The following KATNIP variants were observed in gnomAD, a reference collection of about 807,000 sequenced individuals.
KATNIP encodes katanin interacting protein.
A neutral mutation model predicts 174.0 loss-of-function variants in KATNIP; 126 were observed. That is an observed-to-expected ratio of 0.72 (90% CI 0.63 to 0.84). KATNIP has a LOEUF of 0.84. KATNIP is among the 40% of genes least tolerant of loss of function. The pLI, the probability that KATNIP is intolerant of heterozygous loss-of-function variation, is 0.00. For synonymous variants in KATNIP, 810 were observed against 835.7 expected (o/e 0.97, Z 0.53); for missense variants, 1,958 against 2,109.7 (o/e 0.93, Z 1.41).
Position 27,708,878 on chromosome 16 carries a change from C to G in KATNIP, c.1563C>G (p.Ala521=), listed in dbSNP as rs749508012. The change falls in exon 13 of 28, where the codon GCC becomes GCG. Residue 521 remains alanine, a synonymous_variant. Transcript: ENST00000261588. ...ACGATGTGGATATCCGGAACACAGCCACGCCTGGGGAGCTGGGCCGCCTCG... is the reference window on the plus strand; with the variant it reads ...ACGATGTGGATATCCGGAACACAGCGACGCCTGGGGAGCTGGGCCGCCTCG... ...SPHDVDIRNT[A]TPGELGRLVN... is the part of the protein sequence containing the mutation. The G allele has an allele frequency of 6.2e-7, 1 of 1,613,856 alleles. No individual in the cohort carries two copies. The highest frequency in any genetic ancestry group is 8.5e-7 in the Non-Finnish European group (1 of 1,180,012).
chr16:27,657,313 G>A (rs964158148), intron 6 of KATNIP, among the ~76,000 whole-genome samples: 1 of 152,048 alleles, frequency 6.6e-6, no homozygotes, highest in Non-Finnish European at 1.5e-5. Context: ...GTATTTGGGT[G>A]TTCATTATAC....
chr16:27,606,533 A>T (rs571024656), intron 2 of KATNIP, among the ~76,000 whole-genome samples: 1 of 151,874 alleles, frequency 6.6e-6, no homozygotes, highest in Admixed American at 6.6e-5. Context: ...ACACATACAC[A>T]CACACTTCAA....
intron 1 of KATNIP, among the ~76,000 whole-genome samples, chr16:27,570,839 A>G (rs2090264062): frequency 1.3e-5 from 2 of 152,294 alleles, no homozygotes; most frequent in South Asian, 2.1e-4. Flanking sequence ...ACTAGTATAC[A>G]GTTAGAGAAA....
intron 1 of KATNIP, among the ~76,000 whole-genome samples, chr16:27,552,618 G>T (rs1437606216): frequency 6.7e-6 from 1 of 150,224 alleles, no homozygotes; most frequent in African/African-American, 2.4e-5. Context: ...CAGGTGATCA[G>T]CCTGCCTCCA....
chr16:27,607,935 G>A (rs1480388039), intron 2 of KATNIP, among the ~76,000 whole-genome samples: 2 of 152,104 alleles, frequency 1.3e-5, no homozygotes, highest in Non-Finnish European at 2.9e-5. Context: ...GTGTTATCCC[G>A]TCTAAGTGAT....
intron 17 of KATNIP, 51 bp downstream of exon 17, chr16:27,751,975 C>G (rs761635398): frequency 6.8e-7 from 1 of 1,470,498 alleles, no homozygotes; most frequent in Non-Finnish European, 9.2e-7. Flanking sequence ...AGGTTTCTTC[C>G]CCTAACTCAG....
chr16:27,653,031 A>G (rs920406119), intron 6 of KATNIP, among the ~76,000 whole-genome samples: 1 of 152,174 alleles, frequency 6.6e-6, no homozygotes, highest in African/African-American at 2.4e-5. Context: ...CAAATGATAC[A>G]AAGAAAACAA....
chr16:27,587,221 C>G (rs768416246), intron 2 of KATNIP, among the ~76,000 whole-genome samples: 5 of 152,164 alleles, frequency 3.3e-5, no homozygotes, highest in African/African-American at 4.8e-5. Flanking sequence ...ACATGTGAAG[C>G]ACTTAGAACC....
chr16:27,733,519 T>C lies in KATNIP; in HGVS notation c.1744-6522T>C, dbSNP rs972053506. ...TGAACAAAAGGCATAAAAATAACTC[T>C]AGTTAAAGAAGGAAAAAAAATATTC... On this transcript the variant is annotated intron_variant, in intron 14 of 27. Coordinates refer to ENST00000261588, the MANE Select transcript of KATNIP (RefSeq NM_015202.5). Among the ~76,000 whole-genome samples, 4 of 150,508 alleles carry C rather than the reference T, an allele frequency of 2.7e-5. No individual in the cohort carries two copies. The East Asian group carries it at 5.8e-4, about 22-fold the overall frequency.
At chr16:27,762,459 T>C (rs1019888740) in intron 19 of KATNIP, among the ~76,000 whole-genome samples, 4 of 152,154 alleles carry the variant, frequency 2.6e-5, no homozygotes, top group African/African-American at 9.7e-5. Flanking sequence ...ACTATACCGA[T>C]GTGGAGACTG....
At chr16:27,622,000 C>G (rs2076210487) in intron 3 of KATNIP, among the ~76,000 whole-genome samples, 1 of 152,068 alleles carries the variant, frequency 6.6e-6, no homozygotes, top group African/African-American at 2.4e-5. Context: ...CCAATCACTC[C>G]CTGTGTCTGG....
At chr16:27,647,187 C>T (rs1025615576) in intron 5 of KATNIP, among the ~76,000 whole-genome samples, 7 of 152,270 alleles carry the variant, frequency 4.6e-5, no homozygotes, top group African/African-American at 1.2e-4. Flanking sequence ...TCCCAAAGAA[C>T]GATCCAAAGG....
intron 13 of KATNIP, among the ~76,000 whole-genome samples, chr16:27,711,619 G>C (rs1447372269): frequency 6.6e-6 from 1 of 152,216 alleles, no homozygotes; most frequent in Non-Finnish European, 1.5e-5. Flanking sequence ...CTTGATGCCA[G>C]TTCCACCAAG....
chr16:27,732,588 C>T (rs1259712677), intron 14 of KATNIP, among the ~76,000 whole-genome samples: 1 of 152,160 alleles, frequency 6.6e-6, no homozygotes, highest in Non-Finnish European at 1.5e-5. Flanking sequence ...GAAGAAGACT[C>T]AAGTCAACCA....
intron 12 of KATNIP, 99 bp downstream of exon 12, chr16:27,704,097 G>C: frequency 1.1e-6 from 1 of 895,168 alleles, no homozygotes; most frequent in Non-Finnish European, 1.8e-6. Context: ...GGTTAAATGA[G>C]CATCTCTCTG....
intron 2 of KATNIP, among the ~76,000 whole-genome samples, chr16:27,576,815 A>G (rs2090515677): frequency 6.6e-6 from 1 of 152,138 alleles, no homozygotes; most frequent in Admixed American, 6.5e-5. Flanking sequence ...GTCACCATGA[A>G]AGGCAAGGAG....
In KATNIP at chr16:27,704,595, AT is replaced by A. The variant is rs1407118429; in HGVS notation, c.1389+606del. ...TAGAATTATTGGAAGTAGGGAAGAC[AT>A]TTTTTTTTAAAACCTAAATGTCTCA... On this transcript the variant is annotated intron_variant, in intron 12 of 27. Transcript: ENST00000261588. Among the ~76,000 whole-genome samples, 7 of 151,948 alleles carry A rather than the reference AT, an allele frequency of 4.6e-5. No homozygotes were observed. In the East Asian group the frequency reaches 9.6e-4, roughly 21 times the overall value.
At chr16:27,728,763 G>A (rs1345948147) in intron 14 of KATNIP, among the ~76,000 whole-genome samples, 1 of 152,192 alleles carries the variant, frequency 6.6e-6, no homozygotes, top group Non-Finnish European at 1.5e-5. Flanking sequence ...AGCCCCACAA[G>A]AACACTGGGA....
intron 2 of KATNIP, among the ~76,000 whole-genome samples, chr16:27,613,814 T>C (rs2075964456): frequency 6.6e-6 from 1 of 152,216 alleles, no homozygotes; most frequent in Non-Finnish European, 1.5e-5. Context: ...TCCTGCGCTT[T>C]TCTTGCACTC....
Sources: allele counts gnomAD v4.1 joint callset (sites outside exome capture counted in the v4.1 genomes callset), GRCh38; gene constraint gnomAD v4.1.1; transcripts MANE v1.5; gene names NCBI Gene and HGNC (gene_info 2026-07-23, HGNC 2026-07-21).